Variants in PPIC observed in about 807,000 individuals in gnomAD.
The protein encoded by PPIC is peptidylprolyl isomerase C, also known as peptidyl-prolyl cis-trans isomerase C.
Under a neutral mutation model 19.5 loss-of-function variants are expected in PPIC, and 19 were observed. The observed-to-expected ratio is 0.98, with a 90% CI of 0.68 to 1.43. The LOEUF is 1.43. PPIC is among the 40% of genes most tolerant of loss of function. PPIC has a pLI of 0.00. For synonymous variants in PPIC, 107 were observed against 101.2 expected (o/e 1.06, Z -0.34); for missense variants, 268 against 268.6 (o/e 1.00, Z 0.02).
intron 4 of PPIC, 36 bp downstream of exon 4, chr5:123,025,748 A>G (rs1298518674): frequency 6.3e-7 from 1 of 1,582,752 alleles, no homozygotes; most frequent in Non-Finnish European, 8.6e-7. Context: ...CAATAAAAAT[A>G]TAAAGCTTTG....
In PPIC at chr5:123,036,585, CA is replaced by C; in HGVS notation, c.40del (p.Cys14AlafsTer23). ...AAACACAAGTGCGCCGAGCCCCACG[CA>C]AAGCACGAGAGGTAGCAGCAGCCGA... is the stretch of plus-strand genomic sequence containing the variant. Reference protein sequence around the residue: ...GPRLLLPLVLCVGLGALVFSS... With the variant: ...GPRLLLPLVLXVGLGALVFSS... On this transcript the variant is annotated frameshift_variant, in exon 1 of 5. Coordinates refer to ENST00000306442, the MANE Select transcript of PPIC (RefSeq NM_000943.5). LOFTEE classifies it high-confidence loss of function. The surrounding 1 kb of genome is among the most constrained non-coding windows in gnomAD (Gnocchi z 4.5). The C allele has an allele frequency of 6.3e-7, 1 of 1,598,688 alleles. No homozygotes were observed. The highest frequency in any genetic ancestry group is 8.5e-7 in the Non-Finnish European group (1 of 1,174,082).
chr5:123,028,291 GT>G (rs1309112030), intron 3 of PPIC, among the ~76,000 whole-genome samples: 1 of 152,144 alleles, frequency 6.6e-6, no homozygotes, highest in African/African-American at 2.4e-5. Context: ...GTTTTTCACT[GT>G]TTTGTCAATA....
At position 123,027,011 on chromosome 5, in the gene PPIC, G is replaced by A. The variant is rs553453414; in HGVS notation, c.326-1043C>T. On this transcript the variant is annotated intron_variant, in intron 3 of 4. Coordinates refer to ENST00000306442, the MANE Select transcript of PPIC (RefSeq NM_000943.5). ...AGATTGAGACCATCCTGGCTAACAC[G>A]GTGAAACCCTATCTCTACTAAAAAT... Among the ~76,000 whole-genome samples the A allele has an allele frequency of 1.9e-4, 29 of 152,182 alleles. 1 individual carries two copies. The South Asian group carries it at 5.8e-3, about 30-fold the overall frequency.
At chr5:123,029,465 C>A in intron 1 of PPIC, 47 bp from the exon 2 acceptor site, 1 of 1,502,482 alleles carries the variant, frequency 6.7e-7, no homozygotes, top group South Asian at 1.4e-5. Context: ...GGTGGAAAAG[C>A]ACAAATACAA....
chr5:123,027,176 A>G (rs1217351885), intron 3 of PPIC, among the ~76,000 whole-genome samples: 1 of 152,142 alleles, frequency 6.6e-6, no homozygotes, highest in Non-Finnish European at 1.5e-5. Context: ...CCTGGGTGAC[A>G]GAGTGAGACT....
chr5:123,036,691 G>T lies in PPIC; in HGVS notation c.-66C>A. On this transcript the variant is annotated 5_prime_UTR_variant, in exon 1 of 5. Transcript: ENST00000306442. The surrounding 1 kb of genome is among the most constrained non-coding windows in gnomAD (Gnocchi z 4.5). ...GGCACGGGCGCGACACAGGCTCTGG[G>T]ACAGCTGACGGGACTGCCGGCCGGC... The T allele has an allele frequency of 4.3e-6, 6 of 1,387,220 alleles. No homozygotes were observed. The highest frequency in any genetic ancestry group is 4.9e-6 in the Non-Finnish European group (5 of 1,012,106). The allele number at this position is 1,387,220 out of a possible 1,614,324, so 85.9% of individuals were successfully genotyped here.
intron 2 of PPIC, 95 bp downstream of exon 2, chr5:123,029,210 C>T (rs547522749): frequency 3.1e-5 from 50 of 1,597,168 alleles, no homozygotes; most frequent in Non-Finnish European, 3.8e-5. Context: ...GTTCATCTGA[C>T]ATACTAATTT....
chr5:123,028,564 C>A, intron 3 of PPIC: 1 of 447,700 alleles, frequency 2.2e-6, no homozygotes, highest in Non-Finnish European at 4.0e-6. Context: ...CAATAAACAC[C>A]AAAACAATCC....
At position 123,023,411 on chromosome 5, in the gene PPIC, C is replaced by G. The variant is rs1004994190; in HGVS notation, c.*464G>C. 2 of 152,262 alleles carry G rather than the reference C, an allele frequency of 1.3e-5. No homozygotes were observed. The highest frequency in any genetic ancestry group is 6.5e-5 in the Admixed American group (1 of 15,276). 9.4% of individuals were successfully genotyped at this position (152,262 alleles called of 1,614,324 possible). ...ATCTAAAAGTATTTAATATAAAGAA[C>G]AGCAAAGCACCCTTTTGTCAGAAAG... is the stretch of plus-strand genomic sequence containing the variant. On this transcript the variant is annotated 3_prime_UTR_variant, in exon 5 of 5. Transcript: ENST00000306442.
At position 123,036,493 on chromosome 5, in the gene PPIC, C is replaced by G. The variant is rs775964181; in HGVS notation, c.117+16G>C. 1 of 1,599,490 alleles carries G rather than the reference C, an allele frequency of 6.3e-7. No homozygotes were observed. Among genetic ancestry groups the G allele is most frequent in the Non-Finnish European group, 8.5e-7 (1 of 1,172,766 alleles). ...GCCCGCAACAGGGGAAGTTGCAGCC[C>G]GCCGCTCTCGGTCACCTTGGCCGTC... is the stretch of plus-strand genomic sequence containing the variant. On this transcript the variant is annotated intron_variant, in intron 1 of 4. Coordinates refer to ENST00000306442, the MANE Select transcript of PPIC (RefSeq NM_000943.5). This position sits in a 1 kb window ranked among gnomAD's most constrained non-coding sequence, Gnocchi z 4.5.
rs752235541 is a variant in PPIC at position 123,036,550 on chromosome 5, C to A, written c.76G>T (p.Ala26Ser). The change falls in exon 1 of 5, where the codon GCC becomes TCC. Residue 26 changes from alanine (A) to serine (S), a missense_variant. Physicochemically the swap from Ala to Ser is moderately conservative, Grantham distance 99. Transcript: ENST00000306442. The surrounding 1 kb of genome is among the most constrained non-coding windows in gnomAD (Gnocchi z 4.5). ...GGGCCTCGCTTGCGGAAGCCCTCGG[C>A]CCCCGAAGAAAACACAAGTGCGCCG... ...GLGALVFSSG[A>S]EGFRKRGPSV... is the part of the protein sequence containing the mutation. 6.2e-7 allele frequency: 1 copy of A among 1,604,300 alleles called. No individual in the cohort carries two copies. The highest frequency in any genetic ancestry group is 8.5e-7 in the Non-Finnish European group (1 of 1,176,930).
chr5:123,034,455 T>C (rs1004937972), intron 1 of PPIC, among the ~76,000 whole-genome samples: 2 of 152,088 alleles, frequency 1.3e-5, no homozygotes, highest in Non-Finnish European at 2.9e-5. Context: ...CTTCCTCCTC[T>C]CTTGGCTCCA....
intron 1 of PPIC, among the ~76,000 whole-genome samples, chr5:123,033,028 G>C (rs955629491): frequency 2.0e-5 from 3 of 152,152 alleles, no homozygotes; most frequent in African/African-American, 7.2e-5. Flanking sequence ...AAAGTAACTA[G>C]GGAACACACC....
chr5:123,028,953 G>A, intron 2 of PPIC, 85 bp from the exon 3 acceptor site: 6 of 1,206,352 alleles, frequency 5.0e-6, no homozygotes, highest in Non-Finnish European at 7.1e-6. Flanking sequence ...AGGACAAACT[G>A]AGAAAATTAA....
intron 1 of PPIC, among the ~76,000 whole-genome samples, chr5:123,035,613 G>C (rs1762996447): frequency 6.6e-6 from 1 of 152,150 alleles, no homozygotes; most frequent in Admixed American, 6.5e-5. Context: ...GACTGATGAA[G>C]ACCACTTTCA....
In PPIC at chr5:123,028,843, T is replaced by G. The variant is rs34341374; in HGVS notation, c.257A>C (p.Lys86Thr). Residue 86 changes from lysine to threonine, a missense_variant, in exon 3 of 5, where the codon AAG (lysine) becomes ACG (threonine). Physicochemically the swap from Lys to Thr is moderately conservative, Grantham distance 78 (BLOSUM62 -1). Coordinates refer to ENST00000306442, the MANE Select transcript of PPIC (RefSeq NM_000943.5). ...GEKGYGYKGS[K>T]FHRVIKDFMI... The stretch of plus-strand genomic sequence containing the variant: ...GAAATCCTTGATGACACGATGAAAC[T>G]TGCTTCCTTTATATCCATATCCTTT... The G allele has an allele frequency of 6.2e-7, 1 of 1,609,592 alleles. No individual in the cohort carries two copies. Among genetic ancestry groups the G allele is most frequent in the Non-Finnish European group, 8.5e-7 (1 of 1,176,106 alleles).
At chr5:123,029,991 C>T (rs578096290) in intron 1 of PPIC, among the ~76,000 whole-genome samples, 24 of 152,298 alleles carry the variant, frequency 1.6e-4, no homozygotes, top group Admixed American at 7.2e-4. Context: ...CTTCAAAAGG[C>T]CTGCCACTCA....
At chr5:123,030,129 A>C (rs1026822587) in intron 1 of PPIC, among the ~76,000 whole-genome samples, 1 of 152,238 alleles carries the variant, frequency 6.6e-6, no homozygotes, top group East Asian at 1.9e-4. Flanking sequence ...TCTTGTTCCC[A>C]AGTTACCCAA....
chr5:123,035,506 C>T (rs1581876999), intron 1 of PPIC, among the ~76,000 whole-genome samples: 1 of 152,244 alleles, frequency 6.6e-6, no homozygotes, highest in East Asian at 1.9e-4. Context: ...CCTCCTCCTC[C>T]CCACCCCCTA....
Sources: allele counts gnomAD v4.1 joint callset (sites outside exome capture counted in the v4.1 genomes callset), GRCh38; gene constraint gnomAD v4.1.1; non-coding constraint Gnocchi (gnomAD v3.1); transcripts MANE v1.5; gene names NCBI Gene and HGNC (gene_info 2026-07-23, HGNC 2026-07-21).